The following GMPPB variants were observed in gnomAD, a reference collection of about 807,000 sequenced individuals.
The protein encoded by GMPPB is mannose-1-phosphate guanylyltransferase catalytic subunit beta.
In GMPPB, 38 loss-of-function variants were observed where a neutral mutation model predicts 40.3. That is an observed-to-expected ratio of 0.94 (90% CI 0.73 to 1.24). GMPPB has a LOEUF of 1.24. Ranked by LOEUF, GMPPB falls within the 50% of genes most tolerant of loss-of-function variation. The probability of loss-of-function intolerance (pLI) is 0.00; values close to 1 mark genes in which losing one functional copy is unlikely to be tolerated. For synonymous variants in GMPPB, 193 were observed against 191.8 expected (o/e 1.01, Z -0.05); for missense variants, 436 against 487.1 (o/e 0.90, Z 0.99).
At chr3:49,723,149 G>A (rs752225822) in intron 3 of GMPPB, 35 bp from the exon 4 acceptor site, 4 of 1,613,074 alleles carry the variant, frequency 2.5e-6, no homozygotes, top group South Asian at 1.1e-5. Flanking sequence ...CCTTGCTGGA[G>A]GTCTGAGTCC....
In GMPPB at chr3:49,720,062, T is replaced by C; in HGVS notation, c.*1690A>G. The stretch of plus-strand genomic sequence containing the variant: ...CGGGCGCGGTGGCTCACGCCTGTAA[T>C]CCCAGCACTTTGGGAAGCCAAGGCA... On this transcript the variant is annotated 3_prime_UTR_variant, in exon 9 of 9. Coordinates refer to ENST00000308388, the MANE Select transcript of GMPPB (RefSeq NM_021971.4). 1 of 159,990 alleles carries C rather than the reference T, an allele frequency of 6.3e-6. No homozygotes were observed. The highest frequency in any genetic ancestry group is 1.4e-5 in the Non-Finnish European group (1 of 72,584). The allele number at this position is 159,990 out of a possible 1,614,324, so 9.9% of individuals were successfully genotyped here. A position where few individuals can be genotyped will look rare whatever the true frequency, so the allele number is the denominator to read the frequency against.
chr3:49,720,966 A>T lies in GMPPB; in HGVS notation c.*786T>A. The T allele has an allele frequency of 6.2e-7, 1 of 1,607,786 alleles. No homozygotes were observed. On this transcript the variant is annotated 3_prime_UTR_variant, in exon 9 of 9. Coordinates refer to ENST00000308388, the MANE Select transcript of GMPPB (RefSeq NM_021971.4). Reference sequence around the variant, plus strand: ...GCACTCCTACACAGGCACAACGGACATCCACATAGCCAGGCATCCAACTCC... The same window carrying T: ...GCACTCCTACACAGGCACAACGGACTTCCACATAGCCAGGCATCCAACTCC...
Position 49,721,901 on chromosome 3 carries a change from C to A in GMPPB, c.952-18G>T. 1.2e-6 allele frequency: 2 copies of A among 1,613,950 alleles called. No homozygotes were observed. The highest frequency in any genetic ancestry group is 1.7e-6 in the Non-Finnish European group (2 of 1,180,008). On this transcript the variant is annotated intron_variant, in intron 8 of 8. Coordinates refer to ENST00000308388, the MANE Select transcript of GMPPB (RefSeq NM_021971.4). The stretch of plus-strand genomic sequence containing the variant: ...ATGCGTACCTCCAGGAGAGGATAGG[C>A]CTTGTCAGGGAGGCAGGCACACTCC...
In GMPPB at chr3:49,720,736, G is replaced by A; in HGVS notation, c.*1016C>T. 2 of 1,611,044 alleles carry A rather than the reference G, an allele frequency of 1.2e-6. No individual in the cohort carries two copies. The highest frequency in any genetic ancestry group is 1.7e-6 in the Non-Finnish European group (2 of 1,177,482). On this transcript the variant is annotated 3_prime_UTR_variant, in exon 9 of 9. Coordinates refer to ENST00000308388, the MANE Select transcript of GMPPB (RefSeq NM_021971.4). ...TTAAGAACAGCAAAGTCCTAGGCTGGGAATATTCAAGAGGCATCACATCCT... is the reference window on the plus strand; with the variant it reads ...TTAAGAACAGCAAAGTCCTAGGCTGAGAATATTCAAGAGGCATCACATCCT...
At position 49,720,703 on chromosome 3, in the gene GMPPB, C is replaced by G; in HGVS notation, c.*1049G>C. On this transcript the variant is annotated 3_prime_UTR_variant, in exon 9 of 9. Coordinates refer to ENST00000308388, the MANE Select transcript of GMPPB (RefSeq NM_021971.4). ...AGGGAAATCTGGGGCTGGGTCGGGT[C>G]AGGAGCCTTAAGAACAGCAAAGTCC... 4 of 1,601,356 alleles carry G rather than the reference C, an allele frequency of 2.5e-6. No individual in the cohort carries two copies. Among genetic ancestry groups the G allele is most frequent in the Non-Finnish European group, 2.6e-6 (3 of 1,170,050 alleles).
At position 49,722,131 on chromosome 3, in the gene GMPPB, A is replaced by G; in HGVS notation, c.785T>C (p.Ile262Thr). The change falls in exon 8 of 9, where the codon ATC (isoleucine) becomes ACC (threonine). Residue 262 changes from isoleucine to threonine, a missense_variant. Transcript: ENST00000308388. Reference protein sequence around the residue: ...GNVLVDPSARIGQNCSIGPNV... With the variant: ...GNVLVDPSARTGQNCSIGPNV... ...GGGGCCAATGCTGCAGTTCTGGCCG[A>G]TGCGGGCACTTGGGTCCTGAGAGCG... The G allele has an allele frequency of 6.2e-7, 1 of 1,611,738 alleles. No homozygotes were observed. Among genetic ancestry groups the G allele is most frequent in the African/African-American group, 1.3e-5 (1 of 75,034 alleles).
rs1254424893 is a variant in GMPPB at position 49,721,799 on chromosome 3, G to A, written c.1036C>T (p.His346Tyr). The A allele has an allele frequency of 1.9e-6, 3 of 1,611,752 alleles. No individual in the cohort carries two copies. The highest frequency in any genetic ancestry group is 1.7e-5 in the Admixed American group (1 of 60,006). The stretch of plus-strand genomic sequence containing the variant: ...GGCACTGACTCGCCAATAGACTTGT[G>A]GGGCAGCACGCTGGCTCCGTTGAGG... ...LYLNGASVLPHKSIGESVPEP... is the reference protein window; with the variant it reads ...LYLNGASVLPYKSIGESVPEP... The change falls in exon 9 of 9, where the codon CAC becomes TAC. Residue 346 changes from histidine (H) to tyrosine (Y), a missense_variant. His to Tyr is a moderately conservative substitution (Grantham distance 83). Transcript: ENST00000308388.
Position 49,722,068 on chromosome 3 carries a change from C to CCAT in GMPPB, c.845_847dup (p.Asp282dup). On this transcript the variant is annotated inframe_insertion, in exon 8 of 9. Transcript: ENST00000308388. ...CACCGTGCACCGCCGGATACACACA[C>CCAT]CATCTTCGACCACCACGCCAGGTCC... 6.2e-7 allele frequency: 1 copy of CCAT among 1,613,602 alleles called. No individual in the cohort carries two copies. The highest frequency in any genetic ancestry group is 8.5e-7 in the Non-Finnish European group (1 of 1,180,034).
chr3:49,721,880 G>T lies in GMPPB; in HGVS notation c.955C>A (p.Arg319Ser). 6.2e-7 allele frequency: 1 copy of T among 1,613,940 alleles called. No individual in the cohort carries two copies. Among genetic ancestry groups the T allele is most frequent in the Non-Finnish European group, 8.5e-7 (1 of 1,180,010 alleles). Residue 319 changes from arginine to serine, a missense_variant, in exon 9 of 9, where the codon CGC (arginine) becomes AGC (serine). Transcript: ENST00000308388. The part of the protein sequence containing the change: ...GWRCRVGQWV[R>S]MENVTVLGED... ...CCCAGCACTGTCACGTTCTCCATGC[G>T]TACCTCCAGGAGAGGATAGGCCTTG...
rs1417924911 is a variant in GMPPB, at chr3:49,721,406, C to T, written c.*346G>A. The T allele has an allele frequency of 6.8e-7, 1 of 1,465,950 alleles. No individual in the cohort carries two copies. The highest frequency in any genetic ancestry group is 9.6e-7 in the Non-Finnish European group (1 of 1,046,232). The allele number at this position is 1,465,950 out of a possible 1,614,324, so 90.8% of individuals were successfully genotyped here. On this transcript the variant is annotated 3_prime_UTR_variant, in exon 9 of 9. Coordinates refer to ENST00000308388, the MANE Select transcript of GMPPB (RefSeq NM_021971.4). Reference sequence around the variant, plus strand: ...TTTGCCCTTCTCCTGTATCCCACACCACCACATCCAACCTCCTTGCCTGCC... The same window carrying T: ...TTTGCCCTTCTCCTGTATCCCACACTACCACATCCAACCTCCTTGCCTGCC...
rs554978683 is a variant in GMPPB, at chr3:49,723,888, C to G, written c.-162G>C. The G allele has an allele frequency of 6.5e-6, 5 of 773,018 alleles. No homozygotes were observed. The South Asian group carries it at 9.8e-5, about 15-fold the overall frequency. 47.9% of individuals were successfully genotyped at this position (773,018 alleles called of 1,614,324 possible). A position where few individuals can be genotyped will look rare whatever the true frequency, so the allele number is the denominator to read the frequency against. On this transcript the variant is annotated 5_prime_UTR_variant, in exon 1 of 9. Transcript: ENST00000308388. Reference sequence around the variant, plus strand: ...CCTCGTCCGCCCGGTCGCCCTGACGCCGGATCCAGGGCCGCCACAACACAG... The same window carrying G: ...CCTCGTCCGCCCGGTCGCCCTGACGGCGGATCCAGGGCCGCCACAACACAG...
Position 49,721,712 on chromosome 3 carries a change from G to A in GMPPB, c.*40C>T. The A allele has an allele frequency of 5.1e-6, 8 of 1,558,826 alleles. No individual in the cohort carries two copies. The highest frequency in any genetic ancestry group is 6.1e-6 in the Non-Finnish European group (7 of 1,154,692). ...GTGTCAGGCCAGCACTCCCCTTGCT[G>A]ATGGGAAAACCGGGGCTCGGCCAGC... On this transcript the variant is annotated 3_prime_UTR_variant, in exon 9 of 9. Transcript: ENST00000308388.
chr3:49,720,706 G>A lies in GMPPB; in HGVS notation c.*1046C>T. On this transcript the variant is annotated 3_prime_UTR_variant, in exon 9 of 9. Coordinates refer to ENST00000308388, the MANE Select transcript of GMPPB (RefSeq NM_021971.4). ...GAAATCTGGGGCTGGGTCGGGTCAG[G>A]AGCCTTAAGAACAGCAAAGTCCTAG... 6.2e-7 allele frequency: 1 copy of A among 1,602,082 alleles called. No homozygotes were observed. The highest frequency in any genetic ancestry group is 1.3e-5 in the African/African-American group (1 of 74,840).
In GMPPB at chr3:49,721,705, C is replaced by T. The variant is rs2080411489; in HGVS notation, c.*47G>A. The T allele has an allele frequency of 1.9e-6, 3 of 1,540,456 alleles. No homozygotes were observed. The highest frequency in any genetic ancestry group is 2.6e-6 in the Non-Finnish European group (3 of 1,139,288). On this transcript the variant is annotated 3_prime_UTR_variant, in exon 9 of 9. Transcript: ENST00000308388. ...TTCTGATGTGTCAGGCCAGCACTCC[C>T]CTTGCTGATGGGAAAACCGGGGCTC...
In GMPPB at chr3:49,721,271, G is replaced by A. The variant is rs372013548; in HGVS notation, c.*481C>T. 1.9e-6 allele frequency: 3 copies of A among 1,614,088 alleles called. No homozygotes were observed. The highest frequency in any genetic ancestry group is 1.7e-5 in the Admixed American group (1 of 60,010). Reference sequence around the variant, plus strand: ...GTGTCTGTAGAGGACTGGGAGAAGGGAGCCAATACGAGTACTACCTCCTCA... The same window carrying A: ...GTGTCTGTAGAGGACTGGGAGAAGGAAGCCAATACGAGTACTACCTCCTCA... On this transcript the variant is annotated 3_prime_UTR_variant, in exon 9 of 9. Transcript: ENST00000308388.
At position 49,720,841 on chromosome 3, in the gene GMPPB, C is replaced by A; in HGVS notation, c.*911G>T. ...TGCCGATGAGCTGGCCCAAGTGGAACAGATGCTGGCGCACCTGACCTCTGC... is the reference window on the plus strand; with the variant it reads ...TGCCGATGAGCTGGCCCAAGTGGAAAAGATGCTGGCGCACCTGACCTCTGC... On this transcript the variant is annotated 3_prime_UTR_variant, in exon 9 of 9. Coordinates refer to ENST00000308388, the MANE Select transcript of GMPPB (RefSeq NM_021971.4). The A allele has an allele frequency of 6.2e-7, 1 of 1,614,202 alleles. No homozygotes were observed. Among genetic ancestry groups the A allele is most frequent in the African/African-American group, 1.3e-5 (1 of 75,054 alleles).
In GMPPB at chr3:49,721,736, G is replaced by A; in HGVS notation, c.*16C>T. ...TGATGGGAAAACCGGGGCTCGGCCA[G>A]CCCCACTGCATCCCCTCACATGATG... is the stretch of plus-strand genomic sequence containing the variant. On this transcript the variant is annotated 3_prime_UTR_variant, in exon 9 of 9. Coordinates refer to ENST00000308388, the MANE Select transcript of GMPPB (RefSeq NM_021971.4). The A allele has an allele frequency of 1.9e-6, 3 of 1,584,744 alleles. No homozygotes were observed. Among genetic ancestry groups the A allele is most frequent in the Non-Finnish European group, 2.6e-6 (3 of 1,169,388 alleles).
chr3:49,720,515 G>A lies in GMPPB; in HGVS notation c.*1237C>T. 1 of 1,586,046 alleles carries A rather than the reference G, an allele frequency of 6.3e-7. No homozygotes were observed. Among genetic ancestry groups the A allele is most frequent in the Non-Finnish European group, 8.6e-7 (1 of 1,164,986 alleles). The stretch of plus-strand genomic sequence containing the variant: ...CTTGCACCCTCCCCTACCTAGGAGA[G>A]AGCAAGCCACATCAGTGCTCCTGGC... On this transcript the variant is annotated 3_prime_UTR_variant, in exon 9 of 9. Transcript: ENST00000308388.
chr3:49,722,978 G>A lies in GMPPB; in HGVS notation c.396C>T (p.Ser132=). The A allele has an allele frequency of 6.2e-7, 1 of 1,613,666 alleles. No individual in the cohort carries two copies. Among genetic ancestry groups the A allele is most frequent in the Non-Finnish European group, 8.5e-7 (1 of 1,179,864 alleles). ...QFHRHHGQEG[S]ILVTKVEEPS... Reference sequence around the variant, plus strand: ...AGAAGACCTGGCGCCTTACCAGGATGGAGCCCTCCTGGCCATGGTGCCGGT... The same window carrying A: ...AGAAGACCTGGCGCCTTACCAGGATAGAGCCCTCCTGGCCATGGTGCCGGT... Residue 132 remains serine, a synonymous_variant, in exon 4 of 9, where the codon TCC becomes TCT. Transcript: ENST00000308388.
Sources: gnomAD v4.1 joint callset for allele counts on GRCh38, gnomAD v4.1.1 for gene constraint, MANE v1.5 for transcripts, NCBI Gene and HGNC (gene_info 2026-07-23, HGNC 2026-07-21) for gene names.